The following CAPN1 variants were observed in gnomAD, a reference collection of about 807,000 sequenced individuals.
The protein encoded by CAPN1 is calpain-1 catalytic subunit.
In CAPN1, 77 loss-of-function variants were observed where a neutral mutation model predicts 105.2. The ratio of observed to expected loss-of-function variants is 0.73; its 90% CI spans 0.61 to 0.88. The LOEUF (loss-of-function observed/expected upper bound fraction) is 0.88. CAPN1 is among the 40% of genes least tolerant of loss of function. The pLI is 0.00. For synonymous variants in CAPN1, 355 were observed against 388.8 expected (o/e 0.91, Z 1.02); for missense variants, 833 against 976.6 (o/e 0.85, Z 1.96).
Position 65,185,923 on chromosome 11 carries a change from C to T in CAPN1, c.463C>T (p.Gln155Ter), listed in dbSNP as rs1282715952. 6.3e-7 allele frequency: 1 copy of T among 1,582,392 alleles called. No homozygotes were observed. Among genetic ancestry groups the T allele is most frequent in the Admixed American group, 1.8e-5 (1 of 54,756 alleles). Residue 155 changes from glutamine to a stop codon, truncating the protein, a stop_gained, in exon 5 of 22, where the codon CAA becomes TAA. Transcript: ENST00000279247. LOFTEE classifies it high-confidence loss of function. Reference protein sequence around the residue: ...YAGIFHFQLWQFGEWVDVVVD... With the variant: ...YAGIFHFQLW The stretch of plus-strand genomic sequence containing the variant: ...CCGTGCCCCTCCCCCACAGCTGTGG[C>T]AATTTGGGGAGTGGGTGGACGTGGT...
intron 10 of CAPN1, among the ~76,000 whole-genome samples, chr11:65,192,936 T>C (rs998304275): frequency 6.6e-6 from 1 of 151,350 alleles, no homozygotes; most frequent in Non-Finnish European, 1.5e-5. Flanking sequence ...AATTTATTCT[T>C]TGCATCTGTT....
In CAPN1 at chr11:65,186,164, C is replaced by T. The variant is rs772013553; in HGVS notation, c.591-6C>T. 1.9e-6 allele frequency: 3 copies of T among 1,612,248 alleles called. No individual in the cohort carries two copies. The highest frequency in any genetic ancestry group is 2.5e-6 in the Non-Finnish European group (3 of 1,179,046). On this transcript the variant is annotated splice_polypyrimidine_tract_variant and splice_region_variant and intron_variant, in intron 5 of 21. Coordinates refer to ENST00000279247, the MANE Select transcript of CAPN1 (RefSeq NM_005186.4). ...TGCCAGAGTGCTGACCTGGAGCTGC[C>T]CACAGGGTAAATGGCAGCTACGAGG...
In CAPN1 at chr11:65,208,518, A is replaced by G; in HGVS notation, c.1729+256A>G. ...AGCCTGGCCAGGCACAGTGGCTCAC[A>G]CCTGTAGTCCCAACACTCTGGGAGG... On this transcript the variant is annotated intron_variant, in intron 16 of 21. Coordinates refer to ENST00000279247, the MANE Select transcript of CAPN1 (RefSeq NM_005186.4). The surrounding 1 kb of genome is among the most constrained non-coding windows in gnomAD (Gnocchi z 4.1). 1 of 562,098 alleles carries G rather than the reference A, an allele frequency of 1.8e-6. No individual in the cohort carries two copies. Among genetic ancestry groups the G allele is most frequent in the East Asian group, 3.1e-5 (1 of 32,636 alleles). 34.8% of individuals were successfully genotyped at this position (562,098 alleles called of 1,614,324 possible).
At chr11:65,190,293 C>G (rs1368512247) in intron 10 of CAPN1, among the ~76,000 whole-genome samples, 1 of 152,210 alleles carries the variant, frequency 6.6e-6, no homozygotes, top group African/African-American at 2.4e-5. Flanking sequence ...AGCTTCATCC[C>G]TACCATGCTG....
At position 65,210,982 on chromosome 11, in the gene CAPN1, C is replaced by T. The variant is rs931217852; in HGVS notation, c.2118+110C>T. 2 of 1,037,488 alleles carry T rather than the reference C, an allele frequency of 1.9e-6. No individual in the cohort carries two copies. Among genetic ancestry groups the T allele is most frequent in the Non-Finnish European group, 3.0e-6 (2 of 664,164 alleles). 64.3% of individuals were successfully genotyped at this position (1,037,488 alleles called of 1,614,324 possible). ...TGGAAATGAGCCTGGGCCTCAGAGC[C>T]AACCCTGAAGCCCGGGCCACCTGAA... is the stretch of plus-strand genomic sequence containing the variant. On this transcript the variant is annotated intron_variant, in intron 21 of 21. Coordinates refer to ENST00000279247, the MANE Select transcript of CAPN1 (RefSeq NM_005186.4). The surrounding 1 kb of genome is among the most constrained non-coding windows in gnomAD (Gnocchi z 4.3).
At chr11:65,207,921 A>G in intron 14 of CAPN1, 134 bp from the exon 15 acceptor site, 1 of 639,556 alleles carries the variant, frequency 1.6e-6, no homozygotes, top group Non-Finnish European at 2.7e-6. Context: ...CTCAAAAAGA[A>G]AAGAAAAGAA....
In CAPN1 at chr11:65,210,332, C is replaced by A. The variant is rs377259262; in HGVS notation, c.1943-4C>A. On this transcript the variant is annotated splice_polypyrimidine_tract_variant and splice_region_variant and intron_variant, in intron 19 of 21. Coordinates refer to ENST00000279247, the MANE Select transcript of CAPN1 (RefSeq NM_005186.4). This position sits in a 1 kb window ranked among gnomAD's most constrained non-coding sequence, Gnocchi z 4.3. ...ACTGACCTTCACTCACTCTCCTGGA[C>A]CAGGCTTCAAGCTCAACAAGAAGCT... 58 of 1,602,016 alleles carry A rather than the reference C, an allele frequency of 3.6e-5. No homozygotes were observed. Among genetic ancestry groups the A allele is most frequent in the Admixed American group, 1.3e-4 (8 of 59,702 alleles).
In CAPN1 at chr11:65,208,327, C is replaced by A; in HGVS notation, c.1729+65C>A. 1.4e-6 allele frequency: 2 copies of A among 1,430,372 alleles called. No homozygotes were observed. Among genetic ancestry groups the A allele is most frequent in the Non-Finnish European group, 1.9e-6 (2 of 1,037,168 alleles). 88.6% of individuals were successfully genotyped at this position (1,430,372 alleles called of 1,614,324 possible). A position where few individuals can be genotyped will look rare whatever the true frequency, so the allele number is the denominator to read the frequency against. On this transcript the variant is annotated intron_variant, in intron 16 of 21. Coordinates refer to ENST00000279247, the MANE Select transcript of CAPN1 (RefSeq NM_005186.4). The surrounding 1 kb of genome is among the most constrained non-coding windows in gnomAD (Gnocchi z 4.1). ...TTCCACATCAGAATCCAGGCTCCTG[C>A]TCACACATTGAGCTGAACCTCATCC...
intron 6 of CAPN1, among the ~76,000 whole-genome samples, 192 bp from the exon 7 acceptor site, chr11:65,187,023 C>A (rs1948644111): frequency 6.6e-6 from 1 of 152,160 alleles, no homozygotes; most frequent in African/African-American, 2.4e-5. Context: ...GTGGGGTACC[C>A]AGGCTACCCC....
Position 65,210,970 on chromosome 11 carries a change from G to A in CAPN1, c.2118+98G>A. On this transcript the variant is annotated intron_variant, in intron 21 of 21. Coordinates refer to ENST00000279247, the MANE Select transcript of CAPN1 (RefSeq NM_005186.4). The surrounding 1 kb of genome is among the most constrained non-coding windows in gnomAD (Gnocchi z 4.3). ...CCTGTCCTTTCCTGGAAATGAGCCT[G>A]GGCCTCAGAGCCAACCCTGAAGCCC... is the stretch of plus-strand genomic sequence containing the variant. The A allele has an allele frequency of 8.8e-7, 1 of 1,137,676 alleles. No individual in the cohort carries two copies. Among genetic ancestry groups the A allele is most frequent in the East Asian group, 2.3e-5 (1 of 42,600 alleles). The allele number at this position is 1,137,676 out of a possible 1,614,324, so 70.5% of individuals were successfully genotyped here. A position where few individuals can be genotyped will look rare whatever the true frequency, so the allele number is the denominator to read the frequency against.
At chr11:65,206,222 C>G in intron 12 of CAPN1, 1 of 586,974 alleles carries the variant, frequency 1.7e-6, no homozygotes, top group Non-Finnish European at 3.0e-6. Flanking sequence ...AAACACATGC[C>G]TAATCTGCAA....
At chr11:65,206,190 GATAA>G in intron 12 of CAPN1, 1 of 569,374 alleles carries the variant, frequency 1.8e-6, no homozygotes, top group Non-Finnish European at 3.1e-6. Context: ...AGCTCCCAGT[GATAA>G]TAATGACAGT....
intron 4 of CAPN1, among the ~76,000 whole-genome samples, chr11:65,184,331 A>G (rs1461152861): frequency 2.0e-5 from 3 of 151,942 alleles, no homozygotes; most frequent in Admixed American, 2.0e-4. Context: ...GCCCAGCGCC[A>G]CACCCACCTG....
intron 10 of CAPN1, among the ~76,000 whole-genome samples, chr11:65,199,654 G>T (rs1590859667): frequency 6.6e-6 from 1 of 152,048 alleles, no homozygotes; most frequent in Non-Finnish European, 1.5e-5. Context: ...TGTTCCTTCA[G>T]CTCCTTTCTC....
intron 10 of CAPN1, among the ~76,000 whole-genome samples, chr11:65,195,681 G>T (rs17884324): frequency 3.0e-4 from 46 of 152,204 alleles, no homozygotes; most frequent in African/African-American, 9.9e-4. Context: ...ATTCATAAGT[G>T]ATATTGGTCT....
chr11:65,182,274 A>C, intron 1 of CAPN1: 1 of 164,754 alleles, frequency 6.1e-6, no homozygotes, highest in South Asian at 1.8e-4. Context: ...TGGGGTTTTC[A>C]GCCCACGGCA....
chr11:65,202,371 T>A (rs1046292563), intron 10 of CAPN1, among the ~76,000 whole-genome samples: 12 of 152,248 alleles, frequency 7.9e-5, no homozygotes, highest in Non-Finnish European at 1.6e-4. Flanking sequence ...AAAGTTGCAA[T>A]TTAAATATAC....
At chr11:65,204,911 GC>G in intron 11 of CAPN1, 53 bp downstream of exon 11, 2 of 1,509,604 alleles carry the variant, frequency 1.3e-6, no homozygotes, top group Non-Finnish European at 9.1e-7. Flanking sequence ...AGGACCTGGC[GC>G]CCCCGACCCG....
intron 4 of CAPN1, among the ~76,000 whole-genome samples, chr11:65,183,878 G>A (rs551310640): frequency 8.5e-5 from 13 of 152,262 alleles, no homozygotes; most frequent in Admixed American, 7.2e-4. Context: ...ACTCCTCCCG[G>A]AGGTCGGTCT....
Sources: allele counts gnomAD v4.1 joint callset (sites outside exome capture counted in the v4.1 genomes callset), GRCh38; gene constraint gnomAD v4.1.1; non-coding constraint Gnocchi (gnomAD v3.1); transcripts MANE v1.5; gene names NCBI Gene and HGNC (gene_info 2026-07-23, HGNC 2026-07-21).